Variants in SDK1 observed in about 807,000 individuals in gnomAD.
The protein encoded by SDK1 is sidekick cell adhesion molecule 1.
In SDK1, 157 loss-of-function variants were observed where a neutral mutation model predicts 245.5. That is an observed-to-expected ratio of 0.64 (90% CI 0.56 to 0.73). SDK1 has a LOEUF of 0.73. SDK1 is among the 30% of genes least tolerant of loss of function. SDK1 has a pLI of 0.00. For synonymous variants in SDK1, 1,647 were observed against 1,278.5 expected, an observed-to-expected ratio of 1.29 and a Z score of -6.15; for missense variants, 3,583 against 3,002.3, an observed-to-expected ratio of 1.19 and a Z score of -4.52.
chr7:3,584,736 T>G (rs1212709741), intron 1 of SDK1, among the ~76,000 whole-genome samples: 1 of 151,540 alleles, frequency 6.6e-6, no homozygotes, highest in Admixed American at 6.6e-5. Flanking sequence ...ACGTTATTTT[T>G]TTTTTTTGAG....
At chr7:4,045,886 G>C (rs1034026061) in intron 17 of SDK1, among the ~76,000 whole-genome samples, 1 of 152,008 alleles carries the variant, frequency 6.6e-6, no homozygotes, top group South Asian at 2.1e-4. Context: ...TTCTTTTTGC[G>C]TACATTTTTG....
intron 1 of SDK1, among the ~76,000 whole-genome samples, chr7:3,408,228 G>T (rs1442465035): frequency 6.6e-6 from 1 of 151,862 alleles, no homozygotes; most frequent in East Asian, 1.9e-4. Flanking sequence ...AATTTTAGTA[G>T]AGATGGGGTT....
intron 5 of SDK1, among the ~76,000 whole-genome samples, chr7:3,840,424 T>C (rs1780128283): frequency 6.6e-6 from 1 of 152,192 alleles, no homozygotes. Context: ...TTTGTTTTAG[T>C]CCTCAGGTGA....
chr7:3,471,104 A>G (rs1374420865), intron 1 of SDK1, among the ~76,000 whole-genome samples: 1 of 152,126 alleles, frequency 6.6e-6, no homozygotes, highest in Non-Finnish European at 1.5e-5. Context: ...AGTTGCTATT[A>G]TTTGGTAACA....
intron 15 of SDK1, among the ~76,000 whole-genome samples, chr7:4,011,787 C>T (rs374635364): frequency 3.9e-5 from 6 of 152,272 alleles, no homozygotes; most frequent in African/African-American, 4.8e-5. Context: ...TCTGAGACGG[C>T]AGGCCGACGA....
intron 1 of SDK1, among the ~76,000 whole-genome samples, chr7:3,513,110 T>C (rs965293124): frequency 4.6e-5 from 7 of 152,202 alleles, no homozygotes; most frequent in Non-Finnish European, 8.8e-5. Flanking sequence ...TTCCAATGTT[T>C]ATATTAATAA....
intron 28 of SDK1, among the ~76,000 whole-genome samples, chr7:4,141,211 A>C (rs1025548376): frequency 1.3e-5 from 2 of 152,188 alleles, no homozygotes; most frequent in African/African-American, 4.8e-5. Context: ...AGTCTGCGGC[A>C]TGGCCAAAGG....
intron 1 of SDK1, among the ~76,000 whole-genome samples, chr7:3,452,821 A>C (rs942201625): frequency 1.3e-5 from 2 of 151,972 alleles, no homozygotes; most frequent in Non-Finnish European, 2.9e-5. Flanking sequence ...TAAGAGTCCA[A>C]TTCCTCTTCC....
chr7:3,536,370 G>A (rs897929226), intron 1 of SDK1, among the ~76,000 whole-genome samples: 3 of 152,004 alleles, frequency 2.0e-5, no homozygotes, highest in African/African-American at 7.2e-5. Context: ...CCGGCCACTA[G>A]CAGAATAATT....
intron 5 of SDK1, among the ~76,000 whole-genome samples, chr7:3,940,202 G>T (rs991979152): frequency 6.6e-6 from 1 of 151,980 alleles, no homozygotes; most frequent in Admixed American, 6.6e-5. Context: ...GAGGATGGCC[G>T]GAGCCACCCT....
At chr7:4,036,484 G>A (rs1788226839) in intron 17 of SDK1, among the ~76,000 whole-genome samples, 1 of 152,134 alleles carries the variant, frequency 6.6e-6, no homozygotes, top group African/African-American at 2.4e-5. Flanking sequence ...ACTTCTTTAG[G>A]ATTACAAAAC....
At chr7:3,561,803 C>G (rs565896348) in intron 1 of SDK1, among the ~76,000 whole-genome samples, 1 of 152,214 alleles carries the variant, frequency 6.6e-6, no homozygotes. Context: ...ATAAATTTCT[C>G]TGAATCTGGA....
At chr7:3,726,878 T>C (rs2115036241) in intron 4 of SDK1, among the ~76,000 whole-genome samples, 1 of 152,362 alleles carries the variant, frequency 6.6e-6, no homozygotes, top group East Asian at 1.9e-4. Flanking sequence ...TTCTACTGTG[T>C]AGTCCATTAG....
At chr7:3,767,459 A>T (rs1183315384) in intron 4 of SDK1, among the ~76,000 whole-genome samples, 1 of 152,206 alleles carries the variant, frequency 6.6e-6, no homozygotes, top group East Asian at 1.9e-4. Flanking sequence ...CTTTTAAAAA[A>T]ATTGTTTTTT....
intron 4 of SDK1, among the ~76,000 whole-genome samples, chr7:3,744,345 T>C (rs1779557473): frequency 1.3e-5 from 2 of 152,176 alleles, no homozygotes; most frequent in Non-Finnish European, 2.9e-5. Context: ...TCTTTGTCTG[T>C]TCATTGTTTG....
chr7:3,898,294 T>C (rs1022901785), intron 5 of SDK1, among the ~76,000 whole-genome samples: 3 of 152,128 alleles, frequency 2.0e-5, no homozygotes, highest in African/African-American at 4.8e-5. Flanking sequence ...TTCCAACAGG[T>C]GCAAAGATTT....
chr7:3,554,897 G>A (rs1779537757), intron 1 of SDK1, among the ~76,000 whole-genome samples: 1 of 152,038 alleles, frequency 6.6e-6, no homozygotes, highest in African/African-American at 2.4e-5. Flanking sequence ...ATCCCTGTAA[G>A]GAAAACTATA....
In SDK1 at chr7:3,514,859, CGCGTGCAT is replaced by C. The variant is rs535602737; in HGVS notation, c.299-104206_299-104199del. Among the ~76,000 whole-genome samples the C allele has an allele frequency of 4.4e-3, 677 of 152,298 alleles. 1 individual carries two copies. The highest frequency in any genetic ancestry group is 5.4e-3 in the Non-Finnish European group (366 of 68,022). On this transcript the variant is annotated intron_variant, in intron 1 of 44. Transcript: ENST00000404826. ...CAGTGTAACAATCTTTGCCCCATCA[CGCGTGCAT>C]GCGTGCATGCGTGCGCTCTCTCTCT... is the stretch of plus-strand genomic sequence containing the variant.
chr7:4,010,314 C>A (rs528362666), intron 14 of SDK1, among the ~76,000 whole-genome samples: 1 of 152,274 alleles, frequency 6.6e-6, no homozygotes, highest in South Asian at 2.1e-4. Context: ...GGATCTCCAG[C>A]AGAACCTTCG....
Sources: allele counts gnomAD v4.1 joint callset (sites outside exome capture counted in the v4.1 genomes callset), GRCh38; gene constraint gnomAD v4.1.1; transcripts MANE v1.5; gene names NCBI Gene and HGNC (gene_info 2026-07-23, HGNC 2026-07-21).